The following MAP4K4 variants were observed in gnomAD, a reference collection of about 807,000 sequenced individuals.
MAP4K4 encodes mitogen-activated protein kinase kinase kinase kinase 4.
Under a neutral mutation model 189.6 loss-of-function variants are expected in MAP4K4, and 38 were observed. The observed-to-expected ratio is 0.20, with a 90% CI of 0.15 to 0.26. The LOEUF (loss-of-function observed/expected upper bound fraction) is 0.26. Ranked by LOEUF, MAP4K4 falls within the 10% of genes least tolerant of loss-of-function variation. The pLI is 1.00. For synonymous variants in MAP4K4, 610 were observed against 624.3 expected (o/e 0.98, Z 0.34); for missense variants, 1,054 against 1,726.9 (o/e 0.61, Z 6.91).
chr2:101,733,405 C>G (rs905521128), intron 2 of MAP4K4, among the ~76,000 whole-genome samples: 1 of 152,190 alleles, frequency 6.6e-6, no homozygotes, highest in African/African-American at 2.4e-5. Context: ...GGGTGAAGTT[C>G]TTTCATGAGA....
intron 3 of MAP4K4, among the ~76,000 whole-genome samples, chr2:101,810,045 G>A (rs538329994): frequency 6.6e-6 from 1 of 152,186 alleles, no homozygotes; most frequent in Middle Eastern, 3.2e-3. Flanking sequence ...GTGTGTACTT[G>A]TATCACTTAG....
intron 9 of MAP4K4, among the ~76,000 whole-genome samples, chr2:101,836,518 G>A (rs944302755): frequency 6.6e-6 from 1 of 152,010 alleles, no homozygotes; most frequent in African/African-American, 2.4e-5. Context: ...AACCCAGAAG[G>A]CAGAGGTTGT....
intron 3 of MAP4K4, among the ~76,000 whole-genome samples, chr2:101,803,489 AG>A (rs1266608514): frequency 1.3e-5 from 2 of 152,218 alleles, no homozygotes; most frequent in African/African-American, 2.4e-5. Flanking sequence ...GTCTTTTAAA[AG>A]GATCACTTTA....
At chr2:101,844,368 G>A in intron 12 of MAP4K4, 57 bp downstream of exon 12, 1 of 1,408,262 alleles carries the variant, frequency 7.1e-7, no homozygotes, top group Non-Finnish European at 9.8e-7. Flanking sequence ...CATTTACACT[G>A]GTAGTTAGCC....
intron 4 of MAP4K4, among the ~76,000 whole-genome samples, chr2:101,824,733 G>A (rs1576307774): frequency 6.6e-6 from 1 of 152,244 alleles, no homozygotes; most frequent in African/African-American, 2.4e-5. Context: ...TATTGCCCAA[G>A]TCAGATCATA....
intron 12 of MAP4K4, among the ~76,000 whole-genome samples, chr2:101,852,427 T>G (rs759227307): frequency 1.7e-4 from 26 of 152,022 alleles, no homozygotes; most frequent in Non-Finnish European, 2.4e-4. Flanking sequence ...ATATTTACTA[T>G]AGGGGGAAAA....
rs552882660 is a variant in MAP4K4 at position 101,810,243 on chromosome 2, C to G, written c.181-13685C>G. Among the ~76,000 whole-genome samples, 5 of 152,200 alleles carry G rather than the reference C, an allele frequency of 3.3e-5. No individual in the cohort carries two copies. In the South Asian group the frequency reaches 1.0e-3, roughly 32 times the overall value. ...GTCTAAGATACATTCCTCAGCATCT[C>G]CTGTATATTTTTTAAGGGATGTTTA... On this transcript the variant is annotated intron_variant, in intron 3 of 32. Transcript: ENST00000324219.
rs575144210 is a variant in MAP4K4, at chr2:101,877,130, C to G, written c.3369C>G (p.Val1123=). The change falls in exon 27 of 33, where the codon GTC becomes GTG. Residue 1123 remains valine (V), a synonymous_variant. Transcript: ENST00000324219. The stretch of plus-strand genomic sequence containing the variant: ...TGGACGTACTTGAGGGCTTGAATGT[C>G]TTGGTGACAATATCTGGTGAGTGTT... 12 of 1,613,984 alleles carry G rather than the reference C, an allele frequency of 7.4e-6. No individual in the cohort carries two copies. The East Asian group carries it at 2.2e-4, about 30-fold the overall frequency.
intron 2 of MAP4K4, among the ~76,000 whole-genome samples, chr2:101,758,993 C>T (rs1220232738): frequency 6.6e-6 from 1 of 151,854 alleles, no homozygotes; most frequent in African/African-American, 2.4e-5. Flanking sequence ...ATTAGCCGGG[C>T]GTGGTGGCAG....
At chr2:101,707,681 TTTTTTTTTTTTG>T (rs1341275751) in intron 2 of MAP4K4, among the ~76,000 whole-genome samples, 1 of 76,452 alleles carries the variant, frequency 1.3e-5, no homozygotes. Context: ...TCCAGCTAAG[TTTTTTTTTTTTG>T]TTTTTTTTTT....
At position 101,820,667 on chromosome 2, in the gene MAP4K4, G is replaced by T. The variant is rs146514831; in HGVS notation, c.181-3261G>T. Among the ~76,000 whole-genome samples, 42 of 152,272 alleles carry T rather than the reference G, an allele frequency of 2.8e-4. 1 individual carries two copies. Among genetic ancestry groups the T allele is most frequent in the African/African-American group, 1.0e-3 (42 of 41,564 alleles). Reference sequence around the variant, plus strand: ...ATGGGGCCTGTTTATGGCCACTACCGTGTGCTAAGTCTTTTCAGGAGCCTG... The same window carrying T: ...ATGGGGCCTGTTTATGGCCACTACCTTGTGCTAAGTCTTTTCAGGAGCCTG... On this transcript the variant is annotated intron_variant, in intron 3 of 32. Coordinates refer to ENST00000324219, the Ensembl canonical transcript of MAP4K4.
At chr2:101,803,655 C>T (rs578025142) in intron 3 of MAP4K4, among the ~76,000 whole-genome samples, 1 of 152,218 alleles carries the variant, frequency 6.6e-6, no homozygotes, top group South Asian at 2.1e-4. Flanking sequence ...ATAAAGCTTT[C>T]TGGAATTGCT....
At chr2:101,799,583 G>GTT (rs575431041) in intron 3 of MAP4K4, among the ~76,000 whole-genome samples, 11 of 143,004 alleles carry the variant, frequency 7.7e-5, no homozygotes, top group African/African-American at 2.6e-4. Context: ...ATGTGTGTGG[G>GTT]TTTTTTTTTT....
chr2:101,797,554 A>G, intron 3 of MAP4K4, among the ~76,000 whole-genome samples: 1 of 152,138 alleles, frequency 6.6e-6, no homozygotes, highest in East Asian at 1.9e-4. Flanking sequence ...ACCTTAGACA[A>G]CTTTTAACCT....
At chr2:101,723,721 C>T (rs909186442) in intron 2 of MAP4K4, among the ~76,000 whole-genome samples, 1 of 152,182 alleles carries the variant, frequency 6.6e-6, no homozygotes, top group Non-Finnish European at 1.5e-5. Context: ...GCTTTGTTTT[C>T]TACACTTTGA....
intron 2 of MAP4K4, among the ~76,000 whole-genome samples, chr2:101,769,693 C>A (rs1443340246): frequency 6.6e-6 from 1 of 151,918 alleles, no homozygotes; most frequent in African/African-American, 2.4e-5. Flanking sequence ...AAGTAATTCT[C>A]CTGCCTCAGC....
At chr2:101,870,184 T>A in intron 22 of MAP4K4, 111 bp from the exon 23 acceptor site, 1 of 1,118,426 alleles carries the variant, frequency 8.9e-7, no homozygotes. Context: ...GAGGAGGCTT[T>A]ATATCGGTAG....
intron 2 of MAP4K4, among the ~76,000 whole-genome samples, chr2:101,737,459 A>AT (rs1280639022): frequency 9.5e-5 from 3 of 31,636 alleles, no homozygotes; most frequent in East Asian, 1.3e-3. Context: ...ATATATATAT[A>AT]TATTTTTTTT....
chr2:101,814,461 T>C (rs1377754719), intron 3 of MAP4K4, among the ~76,000 whole-genome samples: 1 of 152,100 alleles, frequency 6.6e-6, no homozygotes, highest in Non-Finnish European at 1.5e-5. Flanking sequence ...GATACAGAGG[T>C]CACTTAGTTG....
Sources: gnomAD v4.1 joint callset for allele counts (sites outside exome capture counted in the v4.1 genomes callset) on GRCh38, gnomAD v4.1.1 for gene constraint, MANE v1.5 for transcripts, NCBI Gene and HGNC (gene_info 2026-07-23, HGNC 2026-07-21) for gene names.